SLC47A1: variants seen among roughly 807,000 people sequenced by gnomAD.
SLC47A1 encodes the protein multidrug and toxin extrusion protein 1.
Under a neutral mutation model 65.8 loss-of-function variants are expected in SLC47A1, and 58 were observed. The ratio of observed to expected loss-of-function variants is 0.88; its 90% confidence interval spans 0.71 to 1.10. The LOEUF (loss-of-function observed/expected upper bound fraction) is 1.10. SLC47A1 is among the 50% of genes least tolerant of loss of function. SLC47A1 has a pLI of 0.00. For missense variants in SLC47A1, 706 were observed against 719.2 expected (o/e 0.98, Z 0.21); for synonymous variants, 285 against 295.0 (o/e 0.97, Z 0.35).
intron 1 of SLC47A1, among the ~76,000 whole-genome samples, chr17:19,539,315 G>A (rs530550752): frequency 6.6e-6 from 1 of 152,278 alleles, no homozygotes; most frequent in Non-Finnish European, 1.5e-5. Flanking sequence ...ACAGGCCTTT[G>A]TCCAGAATTG....
chr17:19,533,967 G>T lies in SLC47A1; in HGVS notation c.28G>T (p.Val10Leu), dbSNP rs555657341. Reference protein sequence around the residue: MEAPEEPAPVRGGPEATLEV... With the variant: MEAPEEPAPLRGGPEATLEV... Reference sequence around the variant, plus strand: ...GGAAGCTCCTGAGGAGCCCGCGCCAGTGCGCGGAGGCCCGGAGGCCACCCT... The same window carrying T: ...GGAAGCTCCTGAGGAGCCCGCGCCATTGCGCGGAGGCCCGGAGGCCACCCT... Residue 10 changes from valine (V) to leucine (L), a missense_variant, in exon 1 of 17, where the codon GTG becomes TTG. Transcript: ENST00000270570. The T allele has an allele frequency of 1.4e-4, 209 of 1,536,324 alleles. 2 individuals are homozygous for T. In the East Asian group the frequency reaches 5.1e-3, roughly 38 times the overall value.
Position 19,543,869 on chromosome 17 carries a change from G to C in SLC47A1, c.237+1375G>C, listed in dbSNP as rs527561150. Among the ~76,000 whole-genome samples the C allele has an allele frequency of 9.8e-5, 15 of 152,312 alleles. No individual in the cohort carries two copies. The South Asian group carries it at 3.1e-3, about 32-fold the overall frequency. Reference sequence around the variant, plus strand: ...CTGGTCTCGCCAGGCATTTGAGTTTGCTATCCATGAACTACGCGAAACGCC... The same window carrying C: ...CTGGTCTCGCCAGGCATTTGAGTTTCCTATCCATGAACTACGCGAAACGCC... On this transcript the variant is annotated intron_variant, in intron 2 of 16. Coordinates refer to ENST00000270570, the MANE Select transcript of SLC47A1 (RefSeq NM_018242.3).
intron 2 of SLC47A1, among the ~76,000 whole-genome samples, chr17:19,544,179 C>T (rs1257857663): frequency 6.6e-6 from 1 of 152,110 alleles, no homozygotes; most frequent in South Asian, 2.1e-4. Flanking sequence ...CTCCTGACCT[C>T]GTGATCTGCC....
chr17:19,550,691 C>T (rs1916423817), intron 5 of SLC47A1, among the ~76,000 whole-genome samples: 1 of 152,296 alleles, frequency 6.6e-6, no homozygotes, highest in Non-Finnish European at 1.5e-5. Flanking sequence ...TATAATACCA[C>T]ACACTAGGGA....
At chr17:19,560,111 G>T in intron 10 of SLC47A1, 77 bp from the exon 11 acceptor site, 2 of 1,023,504 alleles carry the variant, frequency 2.0e-6, no homozygotes, top group Non-Finnish European at 2.9e-6. Context: ...CAGGTGTGAG[G>T]CATGAGGCTG....
chr17:19,563,168 T>C (rs2084327249), intron 12 of SLC47A1, among the ~76,000 whole-genome samples: 1 of 134,224 alleles, frequency 7.5e-6, no homozygotes, highest in Non-Finnish European at 1.6e-5. Flanking sequence ...AGCCTCCCTC[T>C]GTCGCCCAGG....
At chr17:19,536,352 C>T (rs180689493) in intron 1 of SLC47A1, among the ~76,000 whole-genome samples, 1 of 152,264 alleles carries the variant, frequency 6.6e-6, no homozygotes, top group African/African-American at 2.4e-5. Flanking sequence ...CTCTCCAGGT[C>T]TCCAGGGATG....
intron 1 of SLC47A1, among the ~76,000 whole-genome samples, chr17:19,539,771 G>A (rs1329108818): frequency 2.0e-5 from 3 of 152,196 alleles, no homozygotes; most frequent in Non-Finnish European, 4.4e-5. Context: ...CAAGGCGTGA[G>A]CCACTGAGCC....
chr17:19,564,352 A>T (rs952875595), intron 12 of SLC47A1, among the ~76,000 whole-genome samples: 5 of 152,216 alleles, frequency 3.3e-5, no homozygotes, highest in African/African-American at 1.2e-4. Flanking sequence ...CTGTCTAAAA[A>T]AAAAAGTGAA....
chr17:19,566,254 CT>C (rs990249582), intron 12 of SLC47A1, among the ~76,000 whole-genome samples: 1 of 152,180 alleles, frequency 6.6e-6, no homozygotes, highest in Non-Finnish European at 1.5e-5. Context: ...CAGGCATCCA[CT>C]GGGGGACTTG....
intron 3 of SLC47A1, among the ~76,000 whole-genome samples, chr17:19,547,321 G>A (rs1916315018): frequency 6.6e-6 from 1 of 150,670 alleles, no homozygotes. Flanking sequence ...TGGGATTATA[G>A]GCATGAGCCA....
chr17:19,564,001 AATGT>A (rs1164019444), intron 12 of SLC47A1, among the ~76,000 whole-genome samples: 1 of 151,814 alleles, frequency 6.6e-6, no homozygotes, highest in African/African-American at 2.4e-5. Flanking sequence ...ACAAAAAAAA[AATGT>A]TATTAGACAG....
At chr17:19,542,818 G>T (rs1307570139) in intron 2 of SLC47A1, among the ~76,000 whole-genome samples, 1 of 143,002 alleles carries the variant, frequency 7.0e-6, no homozygotes, top group Non-Finnish European at 1.5e-5. Flanking sequence ...TTGAGATGAA[G>T]TCTCGCGCTG....
chr17:19,563,859 C>G (rs938816303), intron 12 of SLC47A1, among the ~76,000 whole-genome samples: 15 of 151,982 alleles, frequency 9.9e-5, no homozygotes, highest in South Asian at 6.2e-4. Flanking sequence ...CGTGGTGGCA[C>G]GCACCTGTAG....
intron 14 of SLC47A1, among the ~76,000 whole-genome samples, chr17:19,569,384 G>A (rs944491275): frequency 5.3e-5 from 8 of 151,556 alleles, no homozygotes; most frequent in East Asian, 3.9e-4. Flanking sequence ...AAAAAAAAGC[G>A]TAACTAATTG....
chr17:19,566,331 A>T (rs553322511), intron 12 of SLC47A1, among the ~76,000 whole-genome samples: 1 of 152,204 alleles, frequency 6.6e-6, no homozygotes, highest in Non-Finnish European at 1.5e-5. Flanking sequence ...GAGATACAAC[A>T]TGCAGTTAGT....
Position 19,537,275 on chromosome 17 carries a change from A to AG in SLC47A1, c.135+3207dup, listed in dbSNP as rs553145454. ...AATATCAGAGAAGGCAGGCAGGTTG[A>AG]GGGGGGTGAGGTGGGGGATCTGGAG... is the stretch of plus-strand genomic sequence containing the variant. On this transcript the variant is annotated intron_variant, in intron 1 of 16. Coordinates refer to ENST00000270570, the MANE Select transcript of SLC47A1 (RefSeq NM_018242.3). 1.2e-3 allele frequency among the ~76,000 whole-genome samples: 188 copies of AG among 152,124 alleles called. 2 individuals carry two copies. Among genetic ancestry groups the AG allele is most frequent in the Admixed American group, 0.011 (170 of 15,276 alleles).
chr17:19,551,002 C>T (rs1916431957), intron 5 of SLC47A1, among the ~76,000 whole-genome samples: 1 of 152,168 alleles, frequency 6.6e-6, no homozygotes, highest in African/African-American at 2.4e-5. Context: ...CACCATTTGC[C>T]CTCAGAATTG....
At position 19,542,425 on chromosome 17, in the gene SLC47A1, C is replaced by T. The variant is rs1489312516; in HGVS notation, c.168C>T (p.Ser56=). The part of the protein sequence containing the change: ...FLVQLMVFLI[S]FISSVFCGHL... ...TTCAGCTGATGGTGTTCCTGATCAG[C>T]TTCATAAGCTCCGTGTTCTGTGGCC... Residue 56 remains serine (S), a synonymous_variant, in exon 2 of 17, where the codon AGC becomes AGT. Transcript: ENST00000270570. 2 of 1,611,388 alleles carry T rather than the reference C, an allele frequency of 1.2e-6. No homozygotes were observed. Among genetic ancestry groups the T allele is most frequent in the Non-Finnish European group, 8.5e-7 (1 of 1,178,972 alleles).
Sources: allele counts gnomAD v4.1 joint callset (sites outside exome capture counted in the v4.1 genomes callset), GRCh38; gene constraint gnomAD v4.1.1; transcripts MANE v1.5; gene names NCBI Gene and HGNC (gene_info 2026-07-23, HGNC 2026-07-21).